Variants in BMERB1 observed in about 807,000 individuals in gnomAD.
The protein encoded by BMERB1 is bMERB domain containing 1.
In BMERB1, 12 loss-of-function variants were observed where a neutral mutation model predicts 23.6. That is an observed-to-expected ratio of 0.51 (90% CI 0.33 to 0.82). The LOEUF (loss-of-function observed/expected upper bound fraction) is 0.82. Among genes scored for constraint, BMERB1 ranks in the 40% least tolerant of loss-of-function variants. The pLI, the probability that BMERB1 is intolerant of heterozygous loss-of-function variation, is 0.03. For synonymous variants in BMERB1, 122 were observed against 96.6 expected (o/e 1.26, Z -1.54); for missense variants, 247 against 255.4 (o/e 0.97, Z 0.22).
At chr16:15,509,657 C>A (rs964554848) in intron 1 of BMERB1, among the ~76,000 whole-genome samples, 1 of 152,128 alleles carries the variant, frequency 6.6e-6, no homozygotes, top group East Asian at 1.9e-4. Context: ...CTTCCCTCAC[C>A]CCCTGGTGAC....
intron 1 of BMERB1, among the ~76,000 whole-genome samples, chr16:15,480,591 T>C: frequency 1.3e-5 from 2 of 149,008 alleles, no homozygotes; most frequent in East Asian, 3.9e-4. Flanking sequence ...TTCATCCATA[T>C]GCCAATTCCA....
intron 2 of BMERB1, among the ~76,000 whole-genome samples, chr16:15,566,417 G>A (rs894326682): frequency 2.0e-5 from 3 of 152,154 alleles, no homozygotes; most frequent in Non-Finnish European, 4.4e-5. Flanking sequence ...GCATTTCTAT[G>A]AATCTATCCT....
chr16:15,532,389 T>TC (rs2051976514), intron 2 of BMERB1, among the ~76,000 whole-genome samples: 1 of 151,146 alleles, frequency 6.6e-6, no homozygotes, highest in Admixed American at 6.6e-5. Context: ...CCGCCACTGC[T>TC]CCCAGCTAAT....
chr16:15,538,841 A>G (rs1310019145), intron 2 of BMERB1, among the ~76,000 whole-genome samples: 3 of 152,024 alleles, frequency 2.0e-5, no homozygotes, highest in Middle Eastern at 3.2e-3. Flanking sequence ...CAGAAACACA[A>G]TGTGGTGAAG....
At chr16:15,437,551 A>G (rs965994266) in intron 1 of BMERB1, among the ~76,000 whole-genome samples, 1 of 152,182 alleles carries the variant, frequency 6.6e-6, no homozygotes, top group African/African-American at 2.4e-5. Context: ...ATATCTTAAC[A>G]TTTTATGAGA....
At chr16:15,509,904 A>G (rs1238399490) in intron 1 of BMERB1, among the ~76,000 whole-genome samples, 3 of 152,160 alleles carry the variant, frequency 2.0e-5, no homozygotes, top group Non-Finnish European at 2.9e-5. Context: ...CTCACATTGG[A>G]TTAGGGTGGG....
At chr16:15,450,814 G>A (rs1033296190) in intron 1 of BMERB1, among the ~76,000 whole-genome samples, 2 of 152,140 alleles carry the variant, frequency 1.3e-5, no homozygotes, top group African/African-American at 4.8e-5. Flanking sequence ...AGTTCTGGCT[G>A]CTTGGCTTCG....
chr16:15,452,381 A>G (rs2051050789), intron 1 of BMERB1, among the ~76,000 whole-genome samples: 1 of 151,920 alleles, frequency 6.6e-6, no homozygotes, highest in African/African-American at 2.4e-5. Flanking sequence ...AAAGCTAAAC[A>G]GCCAGACCTT....
In BMERB1 at chr16:15,523,337, G is replaced by A. The variant is rs1381924320; in HGVS notation, c.230+7909G>A. Among the ~76,000 whole-genome samples, 4 of 152,262 alleles carry A rather than the reference G, an allele frequency of 2.6e-5. No individual in the cohort carries two copies. In the East Asian group the frequency reaches 5.8e-4, roughly 22 times the overall value. Reference sequence around the variant, plus strand: ...TTGGGGTTTTTATAGATACAGGATGGGGGCATGGCAGGCCAGGGTGGTCTT... The same window carrying A: ...TTGGGGTTTTTATAGATACAGGATGAGGGCATGGCAGGCCAGGGTGGTCTT... On this transcript the variant is annotated intron_variant, in intron 2 of 5. Coordinates refer to ENST00000300006, the MANE Select transcript of BMERB1 (RefSeq NM_033201.3).
At chr16:15,573,593 A>G (rs1396031800) in intron 3 of BMERB1, among the ~76,000 whole-genome samples, 3 of 152,144 alleles carry the variant, frequency 2.0e-5, no homozygotes, top group Non-Finnish European at 4.4e-5. Context: ...CATCAAGTGC[A>G]CGGTCTGCAA....
intron 1 of BMERB1, among the ~76,000 whole-genome samples, chr16:15,505,329 C>A (rs1051478740): frequency 6.6e-6 from 1 of 152,210 alleles, no homozygotes; most frequent in Non-Finnish European, 1.5e-5. Context: ...CAATTATCAA[C>A]CTTTTTGATT....
intron 3 of BMERB1, among the ~76,000 whole-genome samples, chr16:15,574,251 T>C: frequency 6.6e-6 from 1 of 152,106 alleles, no homozygotes; most frequent in East Asian, 1.9e-4. Flanking sequence ...GAGAACAGCA[T>C]GGGGAAACTG....
chr16:15,588,191 A>G lies in BMERB1; in HGVS notation c.*1362A>G, dbSNP rs1366176051. 1 of 152,008 alleles carries G rather than the reference A, an allele frequency of 6.6e-6. No homozygotes were observed. Among genetic ancestry groups the G allele is most frequent in the African/African-American group, 2.4e-5 (1 of 41,362 alleles). 9.4% of individuals were successfully genotyped at this position (152,008 alleles called of 1,614,324 possible). A position where few individuals can be genotyped will look rare whatever the true frequency, so the allele number is the denominator to read the frequency against. On this transcript the variant is annotated 3_prime_UTR_variant, in exon 6 of 6. Coordinates refer to ENST00000300006, the MANE Select transcript of BMERB1 (RefSeq NM_033201.3). ...TATCATTTATAACCAGTTTTTTCCT[A>G]CTTATTATACCACCATCTTCCACAT... is the stretch of plus-strand genomic sequence containing the variant.
chr16:15,561,071 C>T (rs1183904524), intron 2 of BMERB1, among the ~76,000 whole-genome samples: 1 of 142,990 alleles, frequency 7.0e-6, no homozygotes, highest in Non-Finnish European at 1.5e-5. Flanking sequence ...TCTCCTGCCT[C>T]AGCTTCCTGA....
chr16:15,459,777 T>C (rs1731608336), intron 1 of BMERB1, among the ~76,000 whole-genome samples: 1 of 152,128 alleles, frequency 6.6e-6, no homozygotes, highest in Non-Finnish European at 1.5e-5. Context: ...ATAGTGGTGG[T>C]CTTGATGGGG....
At chr16:15,497,450 CTT>C (rs572573115) in intron 1 of BMERB1, among the ~76,000 whole-genome samples, 1 of 152,142 alleles carries the variant, frequency 6.6e-6, no homozygotes, top group Non-Finnish European at 1.5e-5. Context: ...ATAAAACAAA[CTT>C]TAAGTTTCAA....
At chr16:15,532,972 C>G (rs146357845) in intron 2 of BMERB1, 1 of 455,064 alleles carries the variant, frequency 2.2e-6, no homozygotes, top group East Asian at 7.0e-5. Flanking sequence ...TACATTCTAC[C>G]TCTGCCATTT....
intron 1 of BMERB1, among the ~76,000 whole-genome samples, 174 bp downstream of exon 1, chr16:15,434,933 G>A (rs146855950): frequency 4.3e-4 from 66 of 152,350 alleles, no homozygotes; most frequent in African/African-American, 1.3e-3. Flanking sequence ...CTCTCCCCGC[G>A]AACAAAAGGG....
intron 1 of BMERB1, among the ~76,000 whole-genome samples, chr16:15,514,207 G>A (rs901668093): frequency 3.9e-5 from 6 of 152,158 alleles, no homozygotes; most frequent in Admixed American, 2.0e-4. Flanking sequence ...GTTCGAGGCG[G>A]CAGTGAGCTA....
Sources: allele counts gnomAD v4.1 joint callset (sites outside exome capture counted in the v4.1 genomes callset), GRCh38; gene constraint gnomAD v4.1.1; transcripts MANE v1.5; gene names NCBI Gene and HGNC (gene_info 2026-07-23, HGNC 2026-07-21).